The following CRK variants were observed in gnomAD, a reference collection of about 807,000 sequenced individuals.
CRK encodes CRK proto-oncogene, adaptor protein.
CRK carries 4 observed loss-of-function variants against 29.8 expected under a neutral mutation model. That is an observed-to-expected ratio of 0.13 (90% confidence interval 0.07 to 0.31). The LOEUF (loss-of-function observed/expected upper bound fraction) is 0.31. Ranked by LOEUF, CRK falls within the 10% of genes least tolerant of loss-of-function variation. CRK has a pLI of 1.00. For missense variants in CRK, 274 were observed against 396.5 expected, an observed-to-expected ratio of 0.69 and a Z score of 2.62; for synonymous variants, 153 against 164.9, an observed-to-expected ratio of 0.93 and a Z score of 0.55.
intron 1 of CRK, among the ~76,000 whole-genome samples, chr17:1,455,486 G>C (rs536769849): frequency 1.3e-5 from 2 of 152,288 alleles, no homozygotes; most frequent in Non-Finnish European, 2.9e-5. Flanking sequence ...AAAGCCACTT[G>C]TAGGATTATC....
chr17:1,433,080 G>A (rs887818517), intron 2 of CRK, among the ~76,000 whole-genome samples: 2 of 152,132 alleles, frequency 1.3e-5, no homozygotes, highest in African/African-American at 2.4e-5. Context: ...TCGTTTTCAA[G>A]GCTAATCGAT....
At chr17:1,440,254 G>A (rs1349271768) in intron 1 of CRK, among the ~76,000 whole-genome samples, 5 of 150,432 alleles carry the variant, frequency 3.3e-5, no homozygotes, top group East Asian at 4.0e-4. Context: ...AGCCGAGATC[G>A]CGCCACTGCA....
At chr17:1,431,952 C>T (rs1436661957) in intron 2 of CRK, among the ~76,000 whole-genome samples, 3 of 152,146 alleles carry the variant, frequency 2.0e-5, no homozygotes, top group African/African-American at 7.2e-5. Context: ...AAGAAAAATC[C>T]TAATATGAAT....
chr17:1,425,079 A>G (rs2073764812), intron 2 of CRK, among the ~76,000 whole-genome samples: 1 of 151,718 alleles, frequency 6.6e-6, no homozygotes, highest in Admixed American at 6.6e-5. Flanking sequence ...GCAAAATGAA[A>G]TATAAAGGTT....
At chr17:1,447,567 G>A (rs370645174) in intron 1 of CRK, among the ~76,000 whole-genome samples, 1 of 151,678 alleles carries the variant, frequency 6.6e-6, no homozygotes, top group Non-Finnish European at 1.5e-5. Context: ...CTACAAGAGC[G>A]GGCCAGGCTC....
chr17:1,455,539 G>A (rs935997755), intron 1 of CRK, among the ~76,000 whole-genome samples: 1 of 152,196 alleles, frequency 6.6e-6, no homozygotes, highest in Non-Finnish European at 1.5e-5. Context: ...CCCCCGCAGT[G>A]CCAACATCTC....
chr17:1,441,743 G>A (rs1281528855), intron 1 of CRK, among the ~76,000 whole-genome samples: 1 of 151,874 alleles, frequency 6.6e-6, no homozygotes, highest in Non-Finnish European at 1.5e-5. Flanking sequence ...ATCCACCTCG[G>A]CCTCCCAAAG....
rs1043917998 is a variant in CRK at position 1,421,894 on chromosome 17, T to C, written c.*1619A>G. 6 of 152,218 alleles carry C rather than the reference T, an allele frequency of 3.9e-5. No homozygotes were observed. Among genetic ancestry groups the C allele is most frequent in the African/African-American group, 1.2e-4 (5 of 41,474 alleles). 9.4% of individuals were successfully genotyped at this position (152,218 alleles called of 1,614,324 possible). On this transcript the variant is annotated 3_prime_UTR_variant, in exon 3 of 3. Transcript: ENST00000300574. ...CACCAGAGACCGGTAAGTGCCTTTA[T>C]AGACTGAGAACTAACGTGGAAGTTT...
At chr17:1,442,750 G>A (rs2073945096) in intron 1 of CRK, among the ~76,000 whole-genome samples, 1 of 151,448 alleles carries the variant, frequency 6.6e-6, no homozygotes, top group East Asian at 1.9e-4. Flanking sequence ...TGGGATACAG[G>A]TGTGTGCCAC....
chr17:1,442,393 C>G (rs746460058), intron 1 of CRK, among the ~76,000 whole-genome samples: 5 of 151,970 alleles, frequency 3.3e-5, no homozygotes, highest in Non-Finnish European at 7.4e-5. Context: ...CTCAAGTGAT[C>G]GGCCCACCTT....
chr17:1,429,007 G>A (rs1375558899), intron 2 of CRK, among the ~76,000 whole-genome samples: 3 of 150,362 alleles, frequency 2.0e-5, no homozygotes, highest in African/African-American at 4.9e-5. Context: ...CACCACGTCC[G>A]GCTAATTTTT....
chr17:1,438,949 C>G (rs1235310727), intron 1 of CRK, among the ~76,000 whole-genome samples: 30 of 151,830 alleles, frequency 2.0e-4, no homozygotes, highest in Non-Finnish European at 8.8e-5. Context: ...AGCCTCCCAC[C>G]CAGCCTCACG....
At chr17:1,428,879 CTT>C (rs1001785378) in intron 2 of CRK, among the ~76,000 whole-genome samples, 7 of 149,074 alleles carry the variant, frequency 4.7e-5, no homozygotes, top group Middle Eastern at 7.6e-3. Context: ...GAGCCTCACT[CTT>C]GTCACCCAGG....
intron 2 of CRK, among the ~76,000 whole-genome samples, chr17:1,431,492 G>A (rs2073844578): frequency 6.6e-6 from 1 of 151,878 alleles, no homozygotes; most frequent in South Asian, 2.1e-4. Context: ...GAGGCAGAGG[G>A]GAGTGGGTCA....
intron 1 of CRK, among the ~76,000 whole-genome samples, chr17:1,450,074 T>C (rs1046481542): frequency 6.6e-6 from 1 of 152,024 alleles, no homozygotes; most frequent in Non-Finnish European, 1.5e-5. Flanking sequence ...TGGTGGCGCA[T>C]GCCTGTAATC....
intron 2 of CRK, among the ~76,000 whole-genome samples, chr17:1,430,083 T>C (rs1263455292): frequency 1.3e-5 from 2 of 151,574 alleles, no homozygotes; most frequent in Non-Finnish European, 2.9e-5. Flanking sequence ...TCGCTTTTGT[T>C]GCCCAGGCTG....
At chr17:1,448,648 A>AAAAAAAT (rs2073994321) in intron 1 of CRK, among the ~76,000 whole-genome samples, 1 of 131,582 alleles carries the variant, frequency 7.6e-6, no homozygotes, top group African/African-American at 2.8e-5. Flanking sequence ...AAAAAGAAAA[A>AAAAAAAT]GTGGCTCGTA....
chr17:1,454,770 C>A (rs1322301337), intron 1 of CRK, among the ~76,000 whole-genome samples: 1 of 152,168 alleles, frequency 6.6e-6, no homozygotes, highest in African/African-American at 2.4e-5. Context: ...GGTACACATA[C>A]AATGAGAACC....
At chr17:1,451,724 A>T (rs1233420914) in intron 1 of CRK, among the ~76,000 whole-genome samples, 3 of 151,876 alleles carry the variant, frequency 2.0e-5, no homozygotes, top group Non-Finnish European at 4.4e-5. Flanking sequence ...GGGGGGAAAA[A>T]AAAACAAAAA....
Sources: gnomAD v4.1 joint callset for allele counts (sites outside exome capture counted in the v4.1 genomes callset) on GRCh38, gnomAD v4.1.1 for gene constraint, MANE v1.5 for transcripts, NCBI Gene and HGNC (gene_info 2026-07-23, HGNC 2026-07-21) for gene names.